The following CHD1L variants were observed in gnomAD, a reference collection of about 807,000 sequenced individuals.
CHD1L encodes the protein chromodomain helicase DNA binding protein 1 like, also known as ATP-dependent chromatin remodeler CHD1L.
In CHD1L, 118 loss-of-function variants were observed where a neutral mutation model predicts 115.9. The ratio of observed to expected loss-of-function variants is 1.02; its 90% confidence interval spans 0.88 to 1.19. CHD1L has a LOEUF of 1.19. Ranked by LOEUF, CHD1L falls within the 50% of genes most tolerant of loss-of-function variation. The pLI is 0.00. For missense variants in CHD1L, 1,179 were observed against 1,065.3 expected (o/e 1.11, Z -1.49); for synonymous variants, 411 against 387.1 (o/e 1.06, Z -0.72).
At chr1:147,178,166 C>G in the CHD1L span, 25 of 1,610,000 alleles carry the variant, frequency 1.6e-5, no homozygotes, top group Non-Finnish European at 1.9e-5. Flanking sequence ...CTTCTCGCCG[C>G]GGCCCGCCTC....
chr1:147,242,583 G>C, upstream of CHD1L: 1 of 1,025,490 alleles, frequency 9.8e-7, no homozygotes, highest in Non-Finnish European at 1.2e-6. Context: ...GGCAGGACGC[G>C]CCCTCTGGCG....
upstream of CHD1L, among the ~76,000 whole-genome samples, chr1:147,237,791 C>G (rs1272171927): frequency 6.6e-6 from 1 of 152,184 alleles, no homozygotes; most frequent in Non-Finnish European, 1.5e-5. Context: ...GAATGAAATT[C>G]TGGGTGACCA....
Position 147,264,557 on chromosome 1 carries a change from C to G in CHD1L, c.712C>G (p.Gln238Glu). ...EEVGDFIQRYQDIEKESESAS... is the reference protein window; with the variant it reads ...EEVGDFIQRYEDIEKESESAS... ...GGTGGGAGATTTTATTCAACGCTAC[C>G]AGGATATTGAGAAAGAATCTGAGTC... The change falls in exon 7 of 23, where the codon CAG becomes GAG. Residue 238 changes from glutamine (Q) to glutamate (E), a missense_variant. By Grantham distance (29) the Gln-to-Glu change is conservative. Coordinates refer to ENST00000369258, the MANE Select transcript of CHD1L (RefSeq NM_004284.6). 6.2e-7 allele frequency: 1 copy of G among 1,613,604 alleles called. No homozygotes were observed. The highest frequency in any genetic ancestry group is 1.1e-5 in the South Asian group (1 of 90,970).
the CHD1L span, among the ~76,000 whole-genome samples, chr1:147,233,920 A>G: frequency 6.6e-6 from 1 of 151,454 alleles, no homozygotes; most frequent in Non-Finnish European, 1.5e-5. Flanking sequence ...AGTCATCACC[A>G]CTCCCTAATC....
At chr1:147,254,446 A>C (rs1553938458) in intron 2 of CHD1L, among the ~76,000 whole-genome samples, 1 of 152,168 alleles carries the variant, frequency 6.6e-6, no homozygotes, top group Non-Finnish European at 1.5e-5. Context: ...CACTCGGGAA[A>C]GCCTGGCAGG....
the CHD1L span, among the ~76,000 whole-genome samples, chr1:147,226,838 C>CTTTT: frequency 7.3e-3 from 1,085 of 149,018 alleles, 14 homozygotes; most frequent in African/African-American, 0.025. Flanking sequence ...AACTGTCGAA[C>CTTTT]TTTTTTTTTT....
the CHD1L span, chr1:147,175,949 TG>T: frequency 6.1e-5 from 6 of 98,832 alleles, no homozygotes; most frequent in African/African-American, 2.4e-4. Flanking sequence ...TGCCAGGACT[TG>T]GGGGTGGGGG....
the CHD1L span, among the ~76,000 whole-genome samples, chr1:147,173,958 A>G: frequency 1.3e-5 from 2 of 152,274 alleles, no homozygotes; most frequent in Non-Finnish European, 2.9e-5. Context: ...CTAACCAGAT[A>G]TGCCACTTAG....
chr1:147,254,437 A>T (rs1213267933), intron 2 of CHD1L, among the ~76,000 whole-genome samples: 1 of 152,072 alleles, frequency 6.6e-6, no homozygotes, highest in Non-Finnish European at 1.5e-5. Flanking sequence ...ATCCTCCCTC[A>T]CTCGGGAAAG....
At chr1:147,295,407 A>G (rs1553976096) in intron 22 of CHD1L, 24 bp from the exon 23 acceptor site, 4 of 1,541,284 alleles carry the variant, frequency 2.6e-6, no homozygotes, top group South Asian at 2.2e-5. Context: ...GATGACATGT[A>G]TCTTCCTTGA....
At chr1:147,266,122 A>G (rs781828911) in intron 8 of CHD1L, 35 bp downstream of exon 8, 4 of 1,573,612 alleles carry the variant, frequency 2.5e-6, no homozygotes, top group Non-Finnish European at 3.5e-6. Context: ...TAGAAACTAA[A>G]TGAGGATGTG....
At chr1:147,223,797 C>CT in the CHD1L span, 2 of 267,792 alleles carry the variant, frequency 7.5e-6, no homozygotes, top group Non-Finnish European at 1.5e-5. Context: ...TGCCATTAAC[C>CT]AGTTCACCCA....
At chr1:147,281,825 A>T (rs958711530) in intron 15 of CHD1L, among the ~76,000 whole-genome samples, 2 of 151,962 alleles carry the variant, frequency 1.3e-5, no homozygotes, top group Non-Finnish European at 2.9e-5. Context: ...ATTTATTGAA[A>T]TTGGCAGATA....
the CHD1L span, among the ~76,000 whole-genome samples, chr1:147,228,890 T>A: frequency 1.3e-5 from 2 of 152,208 alleles, no homozygotes; most frequent in African/African-American, 4.8e-5. Flanking sequence ...TTTGAGTTCA[T>A]TGTAGATTCT....
the CHD1L span, among the ~76,000 whole-genome samples, chr1:147,193,646 T>C: frequency 4.6e-5 from 7 of 152,320 alleles, no homozygotes; most frequent in East Asian, 1.3e-3. Flanking sequence ...GGGCATTTAG[T>C]GCTATAAATT....
At chr1:147,271,077 T>G (rs1388369066) in intron 11 of CHD1L, 72 bp downstream of exon 11, 2 of 1,205,496 alleles carry the variant, frequency 1.7e-6, no homozygotes, top group African/African-American at 1.5e-5. Context: ...CCATGAAGAA[T>G]AATATGGGAT....
the CHD1L span, among the ~76,000 whole-genome samples, chr1:147,221,062 G>GA: frequency 6.6e-6 from 1 of 151,536 alleles, no homozygotes; most frequent in African/African-American, 2.4e-5. Flanking sequence ...TTAACCATGA[G>GA]AAAAAAATAA....
the CHD1L span, among the ~76,000 whole-genome samples, chr1:147,216,573 T>C: frequency 6.6e-6 from 1 of 152,246 alleles, no homozygotes; most frequent in Non-Finnish European, 1.5e-5. Context: ...CCTAGCCTTT[T>C]AAAAAAATAT....
At chr1:147,186,918 T>C in the CHD1L span, 1 of 1,613,650 alleles carries the variant, frequency 6.2e-7, no homozygotes, top group South Asian at 1.1e-5. Context: ...AAGCTATAAT[T>C]ATAGCAAAGA....
Sources: allele counts gnomAD v4.1 joint callset (sites outside exome capture counted in the v4.1 genomes callset), GRCh38; gene constraint gnomAD v4.1.1; transcripts MANE v1.5; gene names NCBI Gene and HGNC (gene_info 2026-07-23, HGNC 2026-07-21).